The following SGCZ variants were observed in gnomAD, a reference collection of about 807,000 sequenced individuals.
SGCZ encodes the protein zeta-sarcoglycan.
A neutral mutation model predicts 41.3 loss-of-function variants in SGCZ; 40 were observed. That is an observed-to-expected ratio of 0.97 (90% CI 0.75 to 1.26). The LOEUF is 1.26. SGCZ is among the 50% of genes most tolerant of loss of function. SGCZ has a pLI of 0.00. For synonymous variants in SGCZ, 206 were observed against 137.5 expected, an observed-to-expected ratio of 1.50 and a Z score of -3.49; for missense variants, 552 against 369.8, an observed-to-expected ratio of 1.49 and a Z score of -4.04.
intron 2 of SGCZ, among the ~76,000 whole-genome samples, chr8:14,407,630 G>A (rs541189824): frequency 1.3e-5 from 2 of 152,236 alleles, no homozygotes; most frequent in South Asian, 2.1e-4. Flanking sequence ...CATAACTGTT[G>A]TATGCTAATC....
In SGCZ at chr8:14,092,211, G is replaced by T. The variant is rs373442018; in HGVS notation, c.745-1574C>A. ...TTGGTACCAGGACTATGCTGTTTTG[G>T]TTACTGTAGCCTTGTATTATAGTTT... On this transcript the variant is annotated intron_variant, in intron 7 of 7. Transcript: ENST00000382080. Among the ~76,000 whole-genome samples, 297 of 152,114 alleles carry T rather than the reference G, an allele frequency of 2.0e-3. 2 individuals carry two copies. The South Asian group carries it at 0.02, about 10-fold the overall frequency.
chr8:14,763,584 C>A, intron 1 of SGCZ, among the ~76,000 whole-genome samples: 1 of 152,024 alleles, frequency 6.6e-6, no homozygotes, highest in East Asian at 1.9e-4. Flanking sequence ...AAAATAATCT[C>A]GAACTCCAGT....
At chr8:14,127,748 G>A (rs1418884603) in intron 5 of SGCZ, among the ~76,000 whole-genome samples, 2 of 152,156 alleles carry the variant, frequency 1.3e-5, no homozygotes, top group African/African-American at 2.4e-5. Flanking sequence ...GAGCCACCGC[G>A]CCTGGCCTGT....
At chr8:14,354,643 C>A (rs940454266) in intron 2 of SGCZ, among the ~76,000 whole-genome samples, 2 of 151,460 alleles carry the variant, frequency 1.3e-5, no homozygotes, top group Non-Finnish European at 3.0e-5. Flanking sequence ...ATATAAAATT[C>A]CTAAGTATAT....
intron 1 of SGCZ, among the ~76,000 whole-genome samples, chr8:15,165,382 A>C (rs78643435): frequency 0.01 from 1,537 of 152,314 alleles, 34 homozygotes; most frequent in East Asian, 0.091. Flanking sequence ...TTAATAAATA[A>C]AAACAGCCCT....
intron 3 of SGCZ, among the ~76,000 whole-genome samples, chr8:14,261,823 G>A (rs1235993728): frequency 1.3e-5 from 2 of 152,098 alleles, no homozygotes; most frequent in Non-Finnish European, 2.9e-5. Flanking sequence ...GATATAGAAA[G>A]AATATATTAA....
At chr8:14,798,990 C>T (rs1272586088) in intron 1 of SGCZ, among the ~76,000 whole-genome samples, 1 of 151,716 alleles carries the variant, frequency 6.6e-6, no homozygotes, top group East Asian at 1.9e-4. Context: ...TACCATAATA[C>T]AGTAGTGGAT....
At chr8:15,236,432 C>T (rs1802120830) in intron 1 of SGCZ, among the ~76,000 whole-genome samples, 1 of 147,250 alleles carries the variant, frequency 6.8e-6, no homozygotes, top group Admixed American at 6.7e-5. Flanking sequence ...GTCGTTTCTC[C>T]AGCGGGTGGG....
At chr8:14,936,434 G>A (rs544119999) in intron 1 of SGCZ, among the ~76,000 whole-genome samples, 21 of 151,926 alleles carry the variant, frequency 1.4e-4, no homozygotes, top group South Asian at 1.0e-3. Context: ...TGAATATCTC[G>A]TAATTTATTG....
intron 1 of SGCZ, among the ~76,000 whole-genome samples, chr8:14,586,301 C>A (rs904116093): frequency 6.6e-6 from 1 of 152,092 alleles, no homozygotes; most frequent in African/African-American, 2.4e-5. Context: ...GCAAACTCTA[C>A]CTCCTGGGCT....
intron 2 of SGCZ, among the ~76,000 whole-genome samples, chr8:14,512,201 A>G (rs1802486370): frequency 6.6e-6 from 1 of 152,192 alleles, no homozygotes; most frequent in Non-Finnish European, 1.5e-5. Context: ...TGGAAACCTG[A>G]TGGTGGGCCT....
intron 2 of SGCZ, among the ~76,000 whole-genome samples, chr8:14,530,436 T>G (rs1156706591): frequency 6.6e-6 from 1 of 152,112 alleles, no homozygotes; most frequent in Admixed American, 6.6e-5. Context: ...TGATAATACT[T>G]TCATTAGATT....
At chr8:14,403,599 T>C (rs896675624) in intron 2 of SGCZ, among the ~76,000 whole-genome samples, 1 of 152,166 alleles carries the variant, frequency 6.6e-6, no homozygotes, top group Non-Finnish European at 1.5e-5. Context: ...ATTTATTGAT[T>C]CGCGTATATT....
chr8:14,200,703 T>G (rs1440978350), intron 4 of SGCZ, among the ~76,000 whole-genome samples: 1 of 151,968 alleles, frequency 6.6e-6, no homozygotes, highest in Admixed American at 6.6e-5. Context: ...AGCCTCAGAG[T>G]AGAGCATAGA....
chr8:14,180,360 T>C (rs898221024), intron 4 of SGCZ, among the ~76,000 whole-genome samples: 2 of 152,072 alleles, frequency 1.3e-5, no homozygotes, highest in South Asian at 4.2e-4. Flanking sequence ...CTATCCACTC[T>C]GAATGCGGGG....
chr8:14,439,330 T>C (rs1187072874), intron 2 of SGCZ, among the ~76,000 whole-genome samples: 1 of 148,846 alleles, frequency 6.7e-6, no homozygotes, highest in Non-Finnish European at 1.5e-5. Context: ...TATATATATA[T>C]CTCCTCATGG....
intron 1 of SGCZ, among the ~76,000 whole-genome samples, chr8:15,112,079 T>C (rs1219578066): frequency 6.6e-6 from 1 of 152,226 alleles, no homozygotes; most frequent in African/African-American, 2.4e-5. Context: ...TTTTTCTCTC[T>C]TTTGTGAGAT....
intron 1 of SGCZ, among the ~76,000 whole-genome samples, chr8:15,103,133 G>A (rs905191648): frequency 6.6e-6 from 1 of 152,140 alleles, no homozygotes; most frequent in Non-Finnish European, 1.5e-5. Flanking sequence ...CAGTGCAGTG[G>A]CTCAAGGCTG....
At chr8:14,582,487 G>T (rs948198598) in intron 1 of SGCZ, among the ~76,000 whole-genome samples, 1 of 151,814 alleles carries the variant, frequency 6.6e-6, no homozygotes, top group Non-Finnish European at 1.5e-5. Context: ...ACTTCTGAAA[G>T]TTCCCACACT....
Sources: gnomAD v4.1 joint callset for allele counts (sites outside exome capture counted in the v4.1 genomes callset) on GRCh38, gnomAD v4.1.1 for gene constraint, MANE v1.5 for transcripts, NCBI Gene and HGNC (gene_info 2026-07-23, HGNC 2026-07-21) for gene names.